CHRDL1: variants seen among roughly 807,000 people sequenced by gnomAD.
CHRDL1 encodes the protein chordin-like protein 1.
In CHRDL1, 19 loss-of-function variants were observed where a neutral mutation model predicts 40.9. The observed-to-expected ratio is 0.46, with a 90% CI of 0.32 to 0.68. CHRDL1 has a LOEUF of 0.68. Among genes scored for constraint, CHRDL1 ranks in the 30% least tolerant of loss-of-function variants. The pLI is 0.03. For missense variants in CHRDL1, 329 were observed against 352.1 expected, an observed-to-expected ratio of 0.93 and a Z score of 0.53; for synonymous variants, 136 against 123.4, an observed-to-expected ratio of 1.10 and a Z score of -0.68.
chrX:110,720,124 T>C (rs191601407), intron 5 of CHRDL1, among the ~76,000 whole-genome samples, 196 bp from the exon 6 acceptor site: 8 of 111,130 alleles, frequency 7.2e-5, no homozygotes, highest in African/African-American at 1.3e-4. Flanking sequence ...TGCCAGAGAC[T>C]AAGCCACAGA....
intron 7 of CHRDL1, among the ~76,000 whole-genome samples, chrX:110,696,295 T>C (rs932071322): frequency 2.7e-5 from 3 of 111,242 alleles, no homozygotes; most frequent in Non-Finnish European, 3.8e-5. Flanking sequence ...GGACATATAA[T>C]AATGGTAGGA....
intron 2 of CHRDL1, among the ~76,000 whole-genome samples, chrX:110,790,661 A>C (rs1223634682): frequency 9.1e-6 from 1 of 110,284 alleles, no homozygotes; most frequent in Admixed American, 9.8e-5. Context: ...CAAATAATGT[A>C]CATTGTACTT....
At chrX:110,679,214 T>C (rs1235341737) in intron 11 of CHRDL1, 122 bp downstream of exon 11, 3 of 518,896 alleles carry the variant, frequency 5.8e-6, no homozygotes, top group East Asian at 6.8e-5. Flanking sequence ...GGAACATCCT[T>C]TAGTGTTGAT....
At chrX:110,732,546 T>C (rs1483672764) in intron 4 of CHRDL1, among the ~76,000 whole-genome samples, 2 of 111,950 alleles carry the variant, frequency 1.8e-5, no homozygotes, top group Admixed American at 9.5e-5. Context: ...GCTCACATCC[T>C]AGTCTAATCC....
chrX:110,688,057 G>T (rs1170219978), intron 9 of CHRDL1, among the ~76,000 whole-genome samples: 1 of 110,563 alleles, frequency 9.0e-6, no homozygotes, highest in Non-Finnish European at 1.9e-5. Flanking sequence ...ATAATTATAG[G>T]ATTATAGTGT....
intron 7 of CHRDL1, among the ~76,000 whole-genome samples, chrX:110,697,433 A>G (rs1450143922): frequency 1.8e-5 from 2 of 111,102 alleles, no homozygotes; most frequent in African/African-American, 6.6e-5. Context: ...TTCTGCTACA[A>G]CTGCAAGTGA....
chrX:110,746,907 C>T, intron 4 of CHRDL1, among the ~76,000 whole-genome samples: 2 of 111,788 alleles, frequency 1.8e-5, no homozygotes, highest in Non-Finnish European at 3.8e-5. Flanking sequence ...TCAATGCAAA[C>T]TTTAAGAGAA....
At position 110,762,691 on chromosome X, in the gene CHRDL1, GT is replaced by G; in HGVS notation, c.207+3del. ...GGGAAATCACATGTCATGAGAGATT[GT>G]ACCTCTGAGCAGATGCAGTTCACGC... On this transcript the variant is annotated splice_donor_region_variant and intron_variant, in intron 3 of 11. Coordinates refer to ENST00000372042, the MANE Select transcript of CHRDL1 (RefSeq NM_001143981.2). 9.3e-7 allele frequency: 1 copy of G among 1,077,761 alleles called. No individual in the cohort carries two copies. Among genetic ancestry groups the G allele is most frequent in the East Asian group, 3.0e-5 (1 of 32,865 alleles). The allele number at this position is 1,077,761 out of a possible 1,213,427, so 88.8% of individuals were successfully genotyped here.
intron 2 of CHRDL1, among the ~76,000 whole-genome samples, chrX:110,774,055 T>C (rs750896638): frequency 3.6e-5 from 4 of 111,957 alleles, no homozygotes; most frequent in African/African-American, 6.5e-5. Context: ...GATGCTTTGT[T>C]AAGTGCAAAC....
At chrX:110,700,316 C>T (rs147075720) in intron 7 of CHRDL1, among the ~76,000 whole-genome samples, 1,498 of 111,584 alleles carry the variant, frequency 0.013, 20 homozygotes, top group African/African-American at 0.046. Context: ...TACAACCCTA[C>T]AGAAGGTCCT....
intron 1 of CHRDL1, among the ~76,000 whole-genome samples, 197 bp from the exon 2 acceptor site, chrX:110,792,412 T>C (rs1442467036): frequency 8.9e-6 from 1 of 112,253 alleles, no homozygotes; most frequent in East Asian, 2.8e-4. Context: ...AAAATTCAAG[T>C]GAATGAGGGT....
At chrX:110,750,405 T>G (rs2089335738) in intron 4 of CHRDL1, among the ~76,000 whole-genome samples, 1 of 110,887 alleles carries the variant, frequency 9.0e-6, no homozygotes, top group Admixed American at 9.6e-5. Context: ...TTGCCTCTTC[T>G]GCTTACTCAA....
chrX:110,706,348 C>T (rs1439087021), intron 6 of CHRDL1, among the ~76,000 whole-genome samples: 1 of 111,732 alleles, frequency 8.9e-6, no homozygotes, highest in African/African-American at 3.2e-5. Flanking sequence ...ATTTTTTGAA[C>T]TGAAATAAAA....
At chrX:110,733,931 CAAA>C (rs1172760631) in intron 4 of CHRDL1, among the ~76,000 whole-genome samples, 1 of 12,126 alleles carries the variant, frequency 8.2e-5, no homozygotes, top group African/African-American at 2.2e-4. Context: ...AACTCTGTCT[CAAA>C]AAAAAAAAAA....
chrX:110,694,828 T>A (rs1047703996), intron 7 of CHRDL1, among the ~76,000 whole-genome samples: 1 of 111,553 alleles, frequency 9.0e-6, no homozygotes, highest in African/African-American at 3.3e-5. Flanking sequence ...CAGGCAGAAG[T>A]TAAGTGGAAT....
chrX:110,675,766 A>G lies in CHRDL1; in HGVS notation c.*465T>C, dbSNP rs1174832942. On this transcript the variant is annotated 3_prime_UTR_variant, in exon 12 of 12. Coordinates refer to ENST00000372042, the MANE Select transcript of CHRDL1 (RefSeq NM_001143981.2). Reference sequence around the variant, plus strand: ...GAGAGAAGGAGGGAGGGAGGGAGTGAGGAGGGAGGATGGGGAGCTAATTTT... The same window carrying G: ...GAGAGAAGGAGGGAGGGAGGGAGTGGGGAGGGAGGATGGGGAGCTAATTTT... 1 of 107,836 alleles carries G rather than the reference A, an allele frequency of 9.3e-6. No homozygotes were observed. The highest frequency in any genetic ancestry group is 2.7e-4 in the East Asian group (1 of 3,689). 8.9% of individuals were successfully genotyped at this position (107,836 alleles called of 1,213,427 possible). A position where few individuals can be genotyped will look rare whatever the true frequency, so the allele number is the denominator to read the frequency against.
chrX:110,734,437 C>T (rs2071227476), intron 4 of CHRDL1, among the ~76,000 whole-genome samples: 1 of 111,920 alleles, frequency 8.9e-6, no homozygotes. Flanking sequence ...TTCCACTTTA[C>T]TGAACAGCTT....
intron 11 of CHRDL1, among the ~76,000 whole-genome samples, 168 bp downstream of exon 11, chrX:110,679,168 C>T (rs1465437355): frequency 8.9e-6 from 1 of 112,317 alleles, no homozygotes; most frequent in Admixed American, 9.5e-5. Context: ...TACATTCAGA[C>T]ACCCCATTCA....
chrX:110,794,225 G>A (rs1240355032), intron 1 of CHRDL1, among the ~76,000 whole-genome samples: 5 of 111,848 alleles, frequency 4.5e-5, no homozygotes, highest in Non-Finnish European at 9.4e-5. Context: ...ATTGCTCAGC[G>A]AACTTAGCCG....
Sources: gnomAD v4.1 joint callset for allele counts (sites outside exome capture counted in the v4.1 genomes callset) on GRCh38, gnomAD v4.1.1 for gene constraint, MANE v1.5 for transcripts, NCBI Gene and HGNC (gene_info 2026-07-23, HGNC 2026-07-21) for gene names.